The following CNTNAP2 variants were observed in gnomAD, a reference collection of about 807,000 sequenced individuals.
CNTNAP2 encodes the protein contactin associated protein 2.
Under a neutral mutation model 155.2 loss-of-function variants are expected in CNTNAP2, and 98 were observed. The ratio of observed to expected loss-of-function variants is 0.63; its 90% CI spans 0.54 to 0.75. The LOEUF (loss-of-function observed/expected upper bound fraction) is 0.75. Ranked by LOEUF, CNTNAP2 falls within the 30% of genes least tolerant of loss-of-function variation. CNTNAP2 has a pLI of 0.00. For missense variants in CNTNAP2, 1,727 were observed against 1,688.1 expected, an observed-to-expected ratio of 1.02 and a Z score of -0.40; for synonymous variants, 651 against 631.2, an observed-to-expected ratio of 1.03 and a Z score of -0.47.
chr7:146,490,656 C>T (rs1424143827), intron 1 of CNTNAP2, among the ~76,000 whole-genome samples: 4 of 152,114 alleles, frequency 2.6e-5, no homozygotes, highest in Non-Finnish European at 5.9e-5. Flanking sequence ...GGTGTATCTG[C>T]ACTTAAAATA....
chr7:147,531,965 TC>T (rs1197493866), intron 11 of CNTNAP2, among the ~76,000 whole-genome samples: 5 of 151,926 alleles, frequency 3.3e-5, no homozygotes, highest in African/African-American at 9.7e-5. Context: ...TGCCACCATG[TC>T]CGACTAATTT....
At position 146,437,892 on chromosome 7, in the gene CNTNAP2, T is replaced by G. The variant is rs111830709; in HGVS notation, c.97+320919T>G. On this transcript the variant is annotated intron_variant, in intron 1 of 23. Coordinates refer to ENST00000361727, the MANE Select transcript of CNTNAP2 (RefSeq NM_014141.6). ...AATTCCCCAATCTCGTTTTTTTTTT[T>G]GTTTGTTTTTGTCCCCTTTCTTACC... Among the ~76,000 whole-genome samples the G allele has an allele frequency of 3.4e-5, 5 of 147,524 alleles. 1 individual carries two copies. In the South Asian group the frequency reaches 8.4e-4, roughly 25 times the overall value.
chr7:146,955,810 C>A (rs781624285), intron 3 of CNTNAP2, among the ~76,000 whole-genome samples: 1 of 151,814 alleles, frequency 6.6e-6, no homozygotes, highest in Non-Finnish European at 1.5e-5. Context: ...TGTGCAGTGT[C>A]GAATATAAGA....
At chr7:147,575,349 G>T (rs1218390918) in intron 12 of CNTNAP2, among the ~76,000 whole-genome samples, 4 of 145,322 alleles carry the variant, frequency 2.8e-5, no homozygotes, top group Non-Finnish European at 6.0e-5. Flanking sequence ...GAGAGACTGT[G>T]TGTGTATTCC....
At chr7:148,198,194 C>A (rs1039439666) in intron 18 of CNTNAP2, among the ~76,000 whole-genome samples, 11 of 152,164 alleles carry the variant, frequency 7.2e-5, no homozygotes, top group Non-Finnish European at 1.3e-4. Flanking sequence ...GCCACCACCC[C>A]CCATGGCAGC....
chr7:146,219,941 GC>G (rs1214981304), intron 1 of CNTNAP2, among the ~76,000 whole-genome samples: 1 of 152,006 alleles, frequency 6.6e-6, no homozygotes, highest in African/African-American at 2.4e-5. Context: ...ATCTAGTACA[GC>G]CCCTTAATTT....
intron 1 of CNTNAP2, among the ~76,000 whole-genome samples, chr7:146,667,732 A>G (rs535752278): frequency 4.7e-5 from 7 of 149,792 alleles, no homozygotes; most frequent in Middle Eastern, 6.8e-3. Context: ...TTTTTTTTGT[A>G]CACTATTATA....
At chr7:146,388,388 CTG>C (rs1795491304) in intron 1 of CNTNAP2, among the ~76,000 whole-genome samples, 1 of 152,024 alleles carries the variant, frequency 6.6e-6, no homozygotes, top group Non-Finnish European at 1.5e-5. Flanking sequence ...CGAGCCATGA[CTG>C]TGCCACTGTA....
chr7:147,579,625 T>C (rs1800460739), intron 12 of CNTNAP2, among the ~76,000 whole-genome samples: 1 of 152,132 alleles, frequency 6.6e-6, no homozygotes. Context: ...CTTCAGAAGT[T>C]TCACCAAGCC....
intron 14 of CNTNAP2, among the ~76,000 whole-genome samples, chr7:147,944,191 A>G (rs1800779538): frequency 6.6e-6 from 1 of 152,206 alleles, no homozygotes; most frequent in African/African-American, 2.4e-5. Flanking sequence ...CCTACAATTT[A>G]GAAAATCAGA....
chr7:146,674,593 G>A (rs1488748440), intron 1 of CNTNAP2, among the ~76,000 whole-genome samples: 1 of 152,054 alleles, frequency 6.6e-6, no homozygotes, highest in African/African-American at 2.4e-5. Flanking sequence ...AGATTATCAA[G>A]AATAAATATT....
chr7:146,137,029 A>G (rs1797807998), intron 1 of CNTNAP2, among the ~76,000 whole-genome samples: 1 of 152,156 alleles, frequency 6.6e-6, no homozygotes, highest in Admixed American at 6.6e-5. Context: ...TTAAAATTTG[A>G]AAAGGGGAAA....
intron 1 of CNTNAP2, among the ~76,000 whole-genome samples, chr7:146,368,352 T>C (rs2129102256): frequency 6.6e-6 from 1 of 152,184 alleles, no homozygotes; most frequent in South Asian, 2.1e-4. Context: ...GATAAATAAC[T>C]GGAAAATATA....
At chr7:147,769,653 G>C (rs1264368985) in intron 13 of CNTNAP2, among the ~76,000 whole-genome samples, 1 of 152,142 alleles carries the variant, frequency 6.6e-6, no homozygotes, top group Non-Finnish European at 1.5e-5. Context: ...TGAAGAAGCT[G>C]TGGATGACTA....
intron 1 of CNTNAP2, among the ~76,000 whole-genome samples, chr7:146,136,149 A>G (rs1797793856): frequency 6.6e-6 from 1 of 150,602 alleles, no homozygotes; most frequent in South Asian, 2.1e-4. Flanking sequence ...CAAATGTATC[A>G]AAAAAAGTCT....
intron 1 of CNTNAP2, among the ~76,000 whole-genome samples, chr7:146,726,203 T>C (rs1470636157): frequency 6.6e-6 from 1 of 152,192 alleles, no homozygotes; most frequent in Non-Finnish European, 1.5e-5. Context: ...TTTCAAAAAG[T>C]GTTTTCCTCA....
At chr7:147,745,442 G>A (rs1178399117) in intron 13 of CNTNAP2, among the ~76,000 whole-genome samples, 1 of 152,132 alleles carries the variant, frequency 6.6e-6, no homozygotes, top group Non-Finnish European at 1.5e-5. Context: ...TATGTTAAGA[G>A]AGAAAGCTTC....
chr7:146,914,142 G>A (rs1210923729), intron 3 of CNTNAP2, among the ~76,000 whole-genome samples: 1 of 151,346 alleles, frequency 6.6e-6, no homozygotes, highest in African/African-American at 2.4e-5. Context: ...ATGCTTTATG[G>A]CTCAGTCGTA....
chr7:147,883,413 A>G (rs2538987), intron 13 of CNTNAP2, among the ~76,000 whole-genome samples: 80,660 of 152,114 alleles, frequency 0.53, 21,515 homozygotes, highest in East Asian at 0.61. Flanking sequence ...AAAAGAATAG[A>G]GATGTGATAT....
Sources: gnomAD v4.1 joint callset for allele counts (sites outside exome capture counted in the v4.1 genomes callset) on GRCh38, gnomAD v4.1.1 for gene constraint, MANE v1.5 for transcripts, NCBI Gene and HGNC (gene_info 2026-07-23, HGNC 2026-07-21) for gene names.